Variants in GNS observed in about 807,000 individuals in gnomAD.
GNS encodes N-acetylglucosamine-6-sulfatase.
Under a neutral mutation model 69.7 loss-of-function variants are expected in GNS, and 40 were observed. The observed-to-expected ratio is 0.57, with a 90% CI of 0.45 to 0.75. The LOEUF is 0.75. Ranked by LOEUF, GNS falls within the 30% of genes least tolerant of loss-of-function variation. The pLI, the probability that GNS is intolerant of heterozygous loss-of-function variation, is 0.00. For missense variants in GNS, 565 were observed against 685.5 expected (o/e 0.82, Z 1.96); for synonymous variants, 243 against 251.6 (o/e 0.97, Z 0.32).
chr12:64,740,665 T>G lies in GNS; in HGVS notation c.816A>C (p.Gln272His), dbSNP rs1869702979. 1.9e-6 allele frequency: 3 copies of G among 1,581,318 alleles called. No individual in the cohort carries two copies. The highest frequency in any genetic ancestry group is 2.6e-6 in the Non-Finnish European group (3 of 1,150,320). ...HGTNKHWLIR[Q>H]AKTPMTNSSI... ...AAGAATTAGTCATTGGAGTCTTGGCTTGCCTAATTAACCAGTGCTTGTTCT... is the reference window on the plus strand; with the variant it reads ...AAGAATTAGTCATTGGAGTCTTGGCGTGCCTAATTAACCAGTGCTTGTTCT... Residue 272 changes from glutamine to histidine, a missense_variant, in exon 7 of 14, where the codon CAA (glutamine) becomes CAC (histidine). By Grantham distance (24) the Gln-to-His change is conservative. Around this residue, in one of 2 missense-constraint regions of GNS, gnomAD observed 384 missense variants for 511.0 expected, o/e 0.75. Transcript: ENST00000258145.
Position 64,716,740 on chromosome 12 carries a change from G to T in GNS, c.*1C>A. 1 of 1,591,526 alleles carries T rather than the reference G, an allele frequency of 6.3e-7. No individual in the cohort carries two copies. Among genetic ancestry groups the T allele is most frequent in the Non-Finnish European group, 8.6e-7 (1 of 1,159,448 alleles). ...CCATCTGCAGAGGCTGTGTGAGGTC[G>T]CTACAGAAGATGTTTGGAAAATCTT... On this transcript the variant is annotated 3_prime_UTR_variant, in exon 14 of 14. Coordinates refer to ENST00000258145, the MANE Select transcript of GNS (RefSeq NM_002076.4).
chr12:64,758,733 A>G (rs1870358759), intron 1 of GNS, among the ~76,000 whole-genome samples: 1 of 152,110 alleles, frequency 6.6e-6, no homozygotes, highest in African/African-American at 2.4e-5. Context: ...CCTCTAATCC[A>G]AAAGAAAAAC....
At chr12:64,738,254 C>A (rs770785111) in intron 8 of GNS, among the ~76,000 whole-genome samples, 1 of 152,178 alleles carries the variant, frequency 6.6e-6, no homozygotes, top group Non-Finnish European at 1.5e-5. Flanking sequence ...AGGTGATCCA[C>A]CTGCCTTGGC....
At chr12:64,725,197 G>GTT (rs1184342988) in intron 10 of GNS, among the ~76,000 whole-genome samples, 1 of 152,174 alleles carries the variant, frequency 6.6e-6, no homozygotes. Context: ...GTCTGTAGGA[G>GTT]TTGTTAAACT....
At chr12:64,716,890 G>A in intron 13 of GNS, 71 bp from the exon 14 acceptor site, 2 of 974,736 alleles carry the variant, frequency 2.1e-6, no homozygotes, top group Non-Finnish European at 3.3e-6. Context: ...TCAGTGGAAA[G>A]GATAGCAGGA....
chr12:64,746,854 A>C (rs890313476), intron 3 of GNS, among the ~76,000 whole-genome samples: 3 of 152,204 alleles, frequency 2.0e-5, no homozygotes, highest in Non-Finnish European at 4.4e-5. Context: ...ATCTTCCTGT[A>C]AACTCACAAG....
intron 1 of GNS, among the ~76,000 whole-genome samples, chr12:64,758,350 G>A (rs1269322263): frequency 8.2e-6 from 1 of 121,604 alleles, no homozygotes; most frequent in Non-Finnish European, 1.6e-5. Context: ...TGGAGACGGA[G>A]TCTCGCTCTG....
At chr12:64,756,021 C>T (rs1870240306) in intron 1 of GNS, among the ~76,000 whole-genome samples, 1 of 152,120 alleles carries the variant, frequency 6.6e-6, no homozygotes, top group Non-Finnish European at 1.5e-5. Flanking sequence ...GTGTGTCCAC[C>T]ACACTATAAT....
chr12:64,728,676 T>C (rs1869287711), intron 10 of GNS, among the ~76,000 whole-genome samples: 1 of 152,238 alleles, frequency 6.6e-6, no homozygotes. Context: ...TAAGAACTCA[T>C]GTATTTGGAC....
At chr12:64,756,906 G>A (rs1870268818) in intron 1 of GNS, 1 of 575,278 alleles carries the variant, frequency 1.7e-6, no homozygotes, top group Non-Finnish European at 3.1e-6. Flanking sequence ...TGTAATCCCA[G>A]CACTTTGGGA....
chr12:64,730,784 G>T (rs987605146), intron 9 of GNS, among the ~76,000 whole-genome samples: 3 of 152,190 alleles, frequency 2.0e-5, no homozygotes, highest in Admixed American at 2.0e-4. Flanking sequence ...GTCACAGCAG[G>T]AAAGGAGGGT....
At chr12:64,721,190 C>T (rs1018648181) in intron 12 of GNS, among the ~76,000 whole-genome samples, 6 of 152,194 alleles carry the variant, frequency 3.9e-5, no homozygotes, top group Non-Finnish European at 8.8e-5. Flanking sequence ...ACTCCTGGGC[C>T]TCTGACCCCC....
In GNS at chr12:64,715,616, CAA is replaced by C. The variant is rs1868835896; in HGVS notation, c.*1123_*1124del. The C allele has an allele frequency of 6.5e-6, 1 of 154,204 alleles. No homozygotes were observed. The highest frequency in any genetic ancestry group is 1.5e-5 in the Non-Finnish European group (1 of 68,184). The allele number at this position is 154,204 out of a possible 1,614,324, so 9.6% of individuals were successfully genotyped here. ...GAATACTGATAATCATACAAGACTCCAAAACTCAGGAAGAACCCATCTAAAAG... is the reference window on the plus strand; with the variant it reads ...GAATACTGATAATCATACAAGACTCCAACTCAGGAAGAACCCATCTAAAAG... On this transcript the variant is annotated 3_prime_UTR_variant, in exon 14 of 14. Coordinates refer to ENST00000258145, the MANE Select transcript of GNS (RefSeq NM_002076.4).
chr12:64,751,905 T>C (rs1870088232), intron 2 of GNS, among the ~76,000 whole-genome samples: 1 of 150,028 alleles, frequency 6.7e-6, no homozygotes, highest in Non-Finnish European at 1.5e-5. Context: ...GGAGAACTGC[T>C]TGATCCCCAG....
chr12:64,727,802 C>T (rs905894347), intron 10 of GNS, among the ~76,000 whole-genome samples: 5 of 152,090 alleles, frequency 3.3e-5, no homozygotes. Flanking sequence ...TTTCAGTTTT[C>T]TCCTATTAGA....
chr12:64,738,072 C>T (rs901226390), intron 8 of GNS, among the ~76,000 whole-genome samples: 2 of 151,528 alleles, frequency 1.3e-5, no homozygotes, highest in African/African-American at 4.9e-5. Flanking sequence ...TGCAGTGGCA[C>T]GATCTTGGCT....
intron 13 of GNS, among the ~76,000 whole-genome samples, chr12:64,718,261 G>T (rs552406375): frequency 2.0e-5 from 3 of 152,144 alleles, no homozygotes; most frequent in Non-Finnish European, 4.4e-5. Flanking sequence ...TGATAGGAAA[G>T]GAATAATCAG....
chr12:64,753,833 AGAGAAG>A (rs1565628869), intron 1 of GNS, among the ~76,000 whole-genome samples: 2 of 152,214 alleles, frequency 1.3e-5, no homozygotes, highest in East Asian at 3.8e-4. Context: ...AAGAGACGCT[AGAGAAG>A]CAGAAGATCT....
chr12:64,735,967 A>G (rs955167439), intron 9 of GNS, among the ~76,000 whole-genome samples: 8 of 152,258 alleles, frequency 5.3e-5, no homozygotes, highest in African/African-American at 1.9e-4. Flanking sequence ...TTAAACAAGT[A>G]AACATCAAGC....
Sources: allele counts gnomAD v4.1 joint callset (sites outside exome capture counted in the v4.1 genomes callset), GRCh38; gene constraint gnomAD v4.1.1; regional missense constraint gnomAD v4.1.1; transcripts MANE v1.5; gene names NCBI Gene and HGNC (gene_info 2026-07-23, HGNC 2026-07-21).